The following RAB2B variants were observed in gnomAD, a reference collection of about 807,000 sequenced individuals.
The protein encoded by RAB2B is RAB2B, member RAS oncogene family.
RAB2B carries 20 observed loss-of-function variants against 29.8 expected under a neutral mutation model. That is an observed-to-expected ratio of 0.67 (90% CI 0.47 to 0.97). RAB2B has a LOEUF of 0.97. Ranked by LOEUF, RAB2B falls within the 50% of genes least tolerant of loss-of-function variation. RAB2B has a pLI of 0.00. For missense variants in RAB2B, 218 were observed against 272.0 expected (o/e 0.80, Z 1.40); for synonymous variants, 93 against 91.7 (o/e 1.01, Z -0.08).
intron 2 of RAB2B, 38 bp from the exon 3 acceptor site, chr14:21,474,972 C>A (rs377457422): frequency 6.4e-7 from 1 of 1,570,982 alleles, no homozygotes; most frequent in African/African-American, 1.3e-5. Flanking sequence ...GTGATTCTCA[C>A]GAACAGCAGC....
At chr14:21,463,823 AAGTCTAT>A in intron 5 of RAB2B, 56 bp from the exon 6 acceptor site, 2 of 1,164,530 alleles carry the variant, frequency 1.7e-6, no homozygotes, top group Non-Finnish European at 2.5e-6. Context: ...TGAAAGAGGA[AAGTCTAT>A]TTCTAAAAGA....
At chr14:21,473,943 C>T (rs995981992) in intron 3 of RAB2B, among the ~76,000 whole-genome samples, 10 of 152,174 alleles carry the variant, frequency 6.6e-5, no homozygotes, top group South Asian at 4.2e-4. Flanking sequence ...ACCCGGGAGG[C>T]GGAGCTTGCA....
chr14:21,471,138 A>C (rs1486577740), intron 3 of RAB2B, among the ~76,000 whole-genome samples: 3 of 151,264 alleles, frequency 2.0e-5, no homozygotes, highest in African/African-American at 4.9e-5. Flanking sequence ...GCGCTATTGC[A>C]CTCCAGCCTG....
rs1890541547 is a variant in RAB2B, at chr14:21,461,019, C to G, written c.*177G>C. ...CCTAATCTATAGGGAATGCTCATGT[C>G]CCTGAAGGAGGACAGGTCAGTAAGG... On this transcript the variant is annotated 3_prime_UTR_variant, in exon 8 of 8. Transcript: ENST00000397762. The G allele has an allele frequency of 3.9e-6, 2 of 508,906 alleles. No homozygotes were observed. The highest frequency in any genetic ancestry group is 7.1e-6 in the Non-Finnish European group (2 of 282,696). The allele number at this position is 508,906 out of a possible 1,614,324, so 31.5% of individuals were successfully genotyped here.
chr14:21,476,494 T>C (rs937010532), intron 2 of RAB2B, 34 bp downstream of exon 2: 1 of 1,612,804 alleles, frequency 6.2e-7, no homozygotes, highest in Non-Finnish European at 8.5e-7. Flanking sequence ...AGTCAGGTTT[T>C]ATCATCTGTT....
rs142045126 is a variant in RAB2B at position 21,474,021 on chromosome 14, A to T, written c.186+846T>A. 2.2e-4 allele frequency among the ~76,000 whole-genome samples: 34 copies of T among 152,000 alleles called. No individual in the cohort carries two copies. In the East Asian group the frequency reaches 5.4e-3, roughly 24 times the overall value. ...AGTAAGACTCCGTCTCAGAAAAAAA[A>T]TACAAAAAATACAAAAAACATTAGC... is the stretch of plus-strand genomic sequence containing the variant. On this transcript the variant is annotated intron_variant, in intron 3 of 7. Transcript: ENST00000397762.
rs190899777 is a variant in RAB2B at position 21,466,956 on chromosome 14, G to T, written c.362+1401C>A. On this transcript the variant is annotated intron_variant, in intron 5 of 7. Coordinates refer to ENST00000397762, the MANE Select transcript of RAB2B (RefSeq NM_032846.4). ...AAGTCTCACTCTGTCGCCCTGGCTG[G>T]AGTGCAGTGGCACTATCTCAGCTCA... Among the ~76,000 whole-genome samples the T allele has an allele frequency of 2.6e-3, 403 of 152,148 alleles. 2 individuals are homozygous for T. Among genetic ancestry groups the T allele is most frequent in the Non-Finnish European group, 4.3e-3 (294 of 68,002 alleles).
intron 5 of RAB2B, among the ~76,000 whole-genome samples, chr14:21,467,469 C>T (rs540564541): frequency 7.2e-5 from 11 of 152,160 alleles, no homozygotes; most frequent in Admixed American, 3.3e-4. Flanking sequence ...AGTTACTAAG[C>T]GGTTATAAAA....
intron 2 of RAB2B, 138 bp downstream of exon 2, chr14:21,476,390 A>G (rs1029804301): frequency 1.2e-6 from 1 of 834,168 alleles, no homozygotes; most frequent in Non-Finnish European, 1.9e-6. Context: ...TGGTCACTTC[A>G]TTAACATAAG....
chr14:21,473,241 C>G (rs550711561), intron 3 of RAB2B, among the ~76,000 whole-genome samples: 2 of 152,254 alleles, frequency 1.3e-5, no homozygotes, highest in East Asian at 3.9e-4. Context: ...GATATAATGG[C>G]TTTAGCTCTC....
chr14:21,465,107 T>C (rs1890657670), intron 5 of RAB2B, among the ~76,000 whole-genome samples: 1 of 152,232 alleles, frequency 6.6e-6, no homozygotes. Context: ...TTTCCAGTTT[T>C]CCAACTCCTT....
intron 5 of RAB2B, among the ~76,000 whole-genome samples, chr14:21,465,923 A>T (rs919347469): frequency 6.6e-6 from 1 of 151,680 alleles, no homozygotes; most frequent in East Asian, 1.9e-4. Context: ...TTTTAAAAAA[A>T]TCTTTGCCCA....
intron 5 of RAB2B, among the ~76,000 whole-genome samples, chr14:21,464,951 A>G (rs1890653294): frequency 6.6e-6 from 1 of 152,106 alleles, no homozygotes; most frequent in Admixed American, 6.6e-5. Flanking sequence ...CCGTGAGCTG[A>G]GCACGTTACT....
rs756391963 is a variant in RAB2B, at chr14:21,468,486, C to A, written c.270-37G>T. ...AAATTTAGAATGTGGGTCAGAGACA[C>A]ATTTCAAAAGGCCAAAACAACTCCA... On this transcript the variant is annotated intron_variant, in intron 4 of 7. Coordinates refer to ENST00000397762, the MANE Select transcript of RAB2B (RefSeq NM_032846.4). The A allele has an allele frequency of 3.0e-5, 47 of 1,586,824 alleles. No individual in the cohort carries two copies. The South Asian group carries it at 5.2e-4, about 18-fold the overall frequency.
In RAB2B at chr14:21,476,866, A is replaced by G; in HGVS notation, c.7T>C (p.Tyr3His). The change falls in exon 1 of 8, where the codon TAT (tyrosine) becomes CAT (histidine). Residue 3 changes from tyrosine (Y) to histidine (H), a missense_variant. Physicochemically the swap from Tyr to His is moderately conservative, Grantham distance 83. Coordinates refer to ENST00000397762, the MANE Select transcript of RAB2B (RefSeq NM_032846.4). The stretch of plus-strand genomic sequence containing the variant: ...ATGATATACTTGAAGAGATAAGCAT[A>G]AGTCATGGTGTCGCGTCCTCTGGGT... Reference protein sequence around the residue: MTYAYLFKYIIIG... With the variant: MTHAYLFKYIIIG... 1 of 1,613,374 alleles carries G rather than the reference A, an allele frequency of 6.2e-7. No individual in the cohort carries two copies. Among genetic ancestry groups the G allele is most frequent in the Non-Finnish European group, 8.5e-7 (1 of 1,179,990 alleles).
intron 5 of RAB2B, among the ~76,000 whole-genome samples, chr14:21,465,270 AC>A (rs1348225516): frequency 6.6e-6 from 1 of 152,224 alleles, no homozygotes; most frequent in Non-Finnish European, 1.5e-5. Context: ...CCAGATTTGT[AC>A]ATTTGTGAAT....
Position 21,461,222 on chromosome 14 carries a change from T to C in RAB2B, c.625A>G (p.Ile209Val), listed in dbSNP as rs891284144. 6 of 1,613,712 alleles carry C rather than the reference T, an allele frequency of 3.7e-6. No individual in the cohort carries two copies. Among genetic ancestry groups the C allele is most frequent in the Middle Eastern group, 1.7e-4 (1 of 6,058 alleles). ...CAGCAGCAGCCAGAGTTGGACCCTA[T>C]GTCACGAGAGTTCCGCTGGGAGGCA... The part of the protein sequence containing the change: ...PSASQRNSRD[I>V]GSNSGCC Residue 209 changes from isoleucine to valine, a missense_variant, in exon 8 of 8, where the codon ATA (isoleucine) becomes GTA (valine). By Grantham distance (29) the Ile-to-Val change is conservative. Coordinates refer to ENST00000397762, the MANE Select transcript of RAB2B (RefSeq NM_032846.4).
chr14:21,461,554 G>A (rs1335955705), intron 7 of RAB2B, among the ~76,000 whole-genome samples: 2 of 143,338 alleles, frequency 1.4e-5, no homozygotes, highest in Non-Finnish European at 3.0e-5. Flanking sequence ...TATCCTAGTT[G>A]ACTACAGTGG....
chr14:21,461,295 G>A lies in RAB2B; in HGVS notation c.552C>T (p.Gly184=). 1 of 1,611,738 alleles carries A rather than the reference G, an allele frequency of 6.2e-7. No homozygotes were observed. The highest frequency in any genetic ancestry group is 8.5e-7 in the Non-Finnish European group (1 of 1,178,616). Residue 184 remains glycine (G), a synonymous_variant, in exon 8 of 8, where the codon GGC becomes GGT. Coordinates refer to ENST00000397762, the MANE Select transcript of RAB2B (RefSeq NM_032846.4). ...TTGACTGTTGGGGCCCAATCTTGAT[G>A]CCATTTGCCTGTAAAAGAAAAGAGG... ...GLFDVHNEAN[G]IKIGPQQSIS...
Sources: allele counts gnomAD v4.1 joint callset (sites outside exome capture counted in the v4.1 genomes callset), GRCh38; gene constraint gnomAD v4.1.1; transcripts MANE v1.5; gene names NCBI Gene and HGNC (gene_info 2026-07-23, HGNC 2026-07-21).